Variants in ATF3 observed in about 807,000 individuals in gnomAD.
ATF3 encodes cyclic AMP-dependent transcription factor ATF-3.
Under a neutral mutation model 18.4 loss-of-function variants are expected in ATF3, and 10 were observed. The ratio of observed to expected loss-of-function variants is 0.54; its 90% CI spans 0.34 to 0.92. The LOEUF (loss-of-function observed/expected upper bound fraction) is 0.92, where lower values mean the gene tolerates loss of function less well. Ranked by LOEUF, ATF3 falls within the 40% of genes least tolerant of loss-of-function variation. The pLI is 0.02. For missense variants in ATF3, 183 were observed against 222.3 expected, an observed-to-expected ratio of 0.82 and a Z score of 1.12; for synonymous variants, 78 against 87.9, an observed-to-expected ratio of 0.89 and a Z score of 0.63.
chr1:212,575,535 G>C (rs945795678), intron 1 of ATF3, among the ~76,000 whole-genome samples: 3 of 152,026 alleles, frequency 2.0e-5, no homozygotes, highest in African/African-American at 7.2e-5. Flanking sequence ...CATCAGTTAA[G>C]AACTTCAGTA....
At chr1:212,609,713 G>A (rs974582358) in intron 1 of ATF3, among the ~76,000 whole-genome samples, 24 of 152,266 alleles carry the variant, frequency 1.6e-4, no homozygotes, top group Non-Finnish European at 1.2e-4. Context: ...CCTTCGGCGG[G>A]TCCGCGGGAG....
chr1:212,604,268 C>T (rs1020739667), upstream of ATF3, among the ~76,000 whole-genome samples: 2 of 152,156 alleles, frequency 1.3e-5, no homozygotes, highest in Admixed American at 6.5e-5. Context: ...GTGGATGAAT[C>T]CCCGGTCTCC....
At chr1:212,566,673 G>T (rs1664388467) in intron 1 of ATF3, among the ~76,000 whole-genome samples, 2 of 152,154 alleles carry the variant, frequency 1.3e-5, no homozygotes, top group East Asian at 3.9e-4. Context: ...CGAGGAAGGG[G>T]AAACAGTTGA....
At chr1:212,614,905 TG>T in intron 1 of ATF3, 112 bp from the exon 2 acceptor site, 2 of 1,592,934 alleles carry the variant, frequency 1.3e-6, no homozygotes, top group Non-Finnish European at 1.7e-6. Context: ...CAAGGGCTTA[TG>T]GGACTTTTCT....
intron 1 of ATF3, among the ~76,000 whole-genome samples, chr1:212,567,467 A>C (rs1217966838): frequency 6.6e-6 from 1 of 152,162 alleles, no homozygotes; most frequent in African/African-American, 2.4e-5. Flanking sequence ...TGTGCAAAGG[A>C]TTCAGATGTC....
intron 1 of ATF3, among the ~76,000 whole-genome samples, chr1:212,573,992 T>C (rs1052454929): frequency 6.6e-6 from 1 of 151,752 alleles, no homozygotes; most frequent in African/African-American, 2.4e-5. Flanking sequence ...TTTATTACTT[T>C]TTAAAAAAAG....
At chr1:212,591,251 G>T (rs1475661754) in intron 1 of ATF3, among the ~76,000 whole-genome samples, 3 of 152,176 alleles carry the variant, frequency 2.0e-5, no homozygotes, top group Non-Finnish European at 4.4e-5. Flanking sequence ...GTCTCCCCAG[G>T]CTCCTTAGAC....
intron 1 of ATF3, among the ~76,000 whole-genome samples, chr1:212,601,410 C>T (rs74138570): frequency 2.8e-3 from 430 of 152,214 alleles, no homozygotes; most frequent in African/African-American, 1.0e-2. Flanking sequence ...TTTGGTAAAG[C>T]GAGGGTGCTC....
At chr1:212,576,176 C>T (rs1664573011) in intron 1 of ATF3, among the ~76,000 whole-genome samples, 1 of 151,988 alleles carries the variant, frequency 6.6e-6, no homozygotes, top group African/African-American at 2.4e-5. Context: ...GAATAAATTA[C>T]CAAATTTTAT....
intron 1 of ATF3, among the ~76,000 whole-genome samples, chr1:212,601,753 G>A (rs923029942): frequency 1.3e-5 from 2 of 152,106 alleles, no homozygotes; most frequent in African/African-American, 2.4e-5. Flanking sequence ...TTTTAAATTT[G>A]TTTTAAAATC....
In ATF3 at chr1:212,618,162, A is replaced by G; in HGVS notation, c.276A>G (p.Arg92=). The G allele has an allele frequency of 3.1e-6, 5 of 1,614,206 alleles. No homozygotes were observed. The highest frequency in any genetic ancestry group is 4.2e-6 in the Non-Finnish European group (5 of 1,180,022). ...AAGAAGATGAAAGGAAAAAGAGGCG[A>G]CGAGAAAGAAATAAGATTGCAGCTG... The part of the protein sequence containing the change: ...APEEDERKKR[R]RERNKIAAAK... Residue 92 remains arginine (R), a synonymous_variant, in exon 3 of 4, where the codon CGA becomes CGG. Coordinates refer to ENST00000341491, the MANE Select transcript of ATF3 (RefSeq NM_001674.4). This position sits in a 1 kb window ranked among gnomAD's most constrained non-coding sequence, Gnocchi z 4.4.
chr1:212,574,278 C>T (rs894330714), intron 1 of ATF3, among the ~76,000 whole-genome samples: 28 of 151,810 alleles, frequency 1.8e-4, no homozygotes, highest in Non-Finnish European at 3.7e-4. Context: ...TAATTATCTT[C>T]TAACTGCTAT....
At chr1:212,569,329 T>C (rs931698465) in intron 1 of ATF3, among the ~76,000 whole-genome samples, 1 of 152,250 alleles carries the variant, frequency 6.6e-6, no homozygotes, top group Non-Finnish European at 1.5e-5. Flanking sequence ...TTTCATCATA[T>C]ACACTTTCTG....
chr1:212,586,699 G>A lies in ATF3; in HGVS notation c.-5+21216G>A, dbSNP rs898845863. On this transcript the variant is annotated intron_variant, in intron 1 of 3. Transcript: ENST00000366981. ...CTCTGGAAGCCAGACATGAATTGAC[G>A]TGGGAGAAAATAAACATGTGAAGTG... Among the ~76,000 whole-genome samples, 16 of 152,212 alleles carry A rather than the reference G, an allele frequency of 1.1e-4. No homozygotes were observed. In the East Asian group the frequency reaches 1.9e-3, roughly 18 times the overall value.
chr1:212,609,123 C>G (rs548091472), intron 1 of ATF3, among the ~76,000 whole-genome samples, 193 bp downstream of exon 1: 225 of 152,362 alleles, frequency 1.5e-3, no homozygotes, highest in Admixed American at 2.4e-3. Context: ...GAAAAGTTTC[C>G]CGCAAAGCGA....
Position 212,609,382 on chromosome 1 carries a change from G to C in ATF3, c.-5+452G>C, listed in dbSNP as rs535769989. ...GAGCCGATCCTTCCCGGGTGGGGGG[G>C]GGGGGGCGCAGAGAGGCACGAAGGC... On this transcript the variant is annotated intron_variant, in intron 1 of 3. Transcript: ENST00000341491. 6.1e-4 allele frequency among the ~76,000 whole-genome samples: 90 copies of C among 146,612 alleles called. 4 individuals carry two copies. The South Asian group carries it at 0.018, about 29-fold the overall frequency.
intron 1 of ATF3, among the ~76,000 whole-genome samples, chr1:212,568,566 G>C (rs1232811840): frequency 6.6e-6 from 1 of 152,186 alleles, no homozygotes; most frequent in African/African-American, 2.4e-5. Context: ...ACTTCAAGTA[G>C]TAAATTTAAG....
At chr1:212,580,511 C>T (rs1571761279) in intron 1 of ATF3, among the ~76,000 whole-genome samples, 2 of 152,178 alleles carry the variant, frequency 1.3e-5, no homozygotes, top group Middle Eastern at 3.4e-3. Context: ...GACTGTTGGC[C>T]AGGCTGGTCT....
At chr1:212,571,713 A>C (rs376490810) in intron 1 of ATF3, among the ~76,000 whole-genome samples, 1,538 of 131,100 alleles carry the variant, frequency 0.012, 11 homozygotes, top group South Asian at 0.032. Flanking sequence ...CCCAGCCAAT[A>C]CTTTTTTTTT....
Sources: gnomAD v4.1 joint callset for allele counts (sites outside exome capture counted in the v4.1 genomes callset) on GRCh38, gnomAD v4.1.1 for gene constraint, Gnocchi (gnomAD v3.1) non-coding constraint, MANE v1.5 for transcripts, NCBI Gene and HGNC (gene_info 2026-07-23, HGNC 2026-07-21) for gene names.